PTPN3: variants seen among roughly 807,000 people sequenced by gnomAD.
The protein encoded by PTPN3 is protein tyrosine phosphatase non-receptor type 3.
In PTPN3, 96 loss-of-function variants were observed where a neutral mutation model predicts 132.7. The observed-to-expected ratio is 0.72, with a 90% CI of 0.61 to 0.86. The LOEUF (loss-of-function observed/expected upper bound fraction) is 0.86. Among genes scored for constraint, PTPN3 ranks in the 40% least tolerant of loss-of-function variants. The pLI is 0.00. For synonymous variants in PTPN3, 398 were observed against 429.0 expected (o/e 0.93, Z 0.89); for missense variants, 1,125 against 1,159.6 (o/e 0.97, Z 0.43).
chr9:109,398,265 A>G (rs1279710518), intron 19 of PTPN3, among the ~76,000 whole-genome samples: 1 of 152,248 alleles, frequency 6.6e-6, no homozygotes, highest in Non-Finnish European at 1.5e-5. Flanking sequence ...TGCCTGGGCC[A>G]CAGAATGAGA....
intron 19 of PTPN3, among the ~76,000 whole-genome samples, chr9:109,395,425 T>C (rs1472587324): frequency 1.3e-5 from 2 of 152,228 alleles, no homozygotes; most frequent in African/African-American, 4.8e-5. Flanking sequence ...CTGCAAAGGC[T>C]AACACTGAAT....
the PTPN3 span, chr9:109,533,831 C>G: frequency 1.2e-6 from 1 of 862,844 alleles, no homozygotes; most frequent in South Asian, 1.5e-5. Context: ...CTTTCCCCCA[C>G]TCTCGCTATT....
chr9:109,522,749 C>T, the PTPN3 span, among the ~76,000 whole-genome samples: 1,145 of 152,256 alleles, frequency 7.5e-3, 10 homozygotes, highest in African/African-American at 0.026. Context: ...TGAAAAGCCA[C>T]ATGCATGAGA....
At chr9:109,451,109 C>A in intron 5 of PTPN3, 2 of 971,668 alleles carry the variant, frequency 2.1e-6, no homozygotes, top group Non-Finnish European at 2.4e-6. Context: ...GATGATCTGG[C>A]AGCTAGTCGT....
At chr9:109,416,744 G>A (rs1162061272) in intron 14 of PTPN3, among the ~76,000 whole-genome samples, 1 of 152,046 alleles carries the variant, frequency 6.6e-6, no homozygotes, top group Non-Finnish European at 1.5e-5. Context: ...ACTATGGCTG[G>A]CCAGCACAGA....
intron 7 of PTPN3, among the ~76,000 whole-genome samples, chr9:109,444,751 C>G (rs1037977646): frequency 1.3e-5 from 2 of 152,120 alleles, no homozygotes; most frequent in African/African-American, 4.8e-5. Context: ...ATTAGCTATA[C>G]TGCAACTCTG....
intron 1 of PTPN3, among the ~76,000 whole-genome samples, chr9:109,471,013 A>G (rs1564471980): frequency 6.6e-6 from 1 of 152,146 alleles, no homozygotes; most frequent in Non-Finnish European, 1.5e-5. Context: ...ACTCCTGTGT[A>G]ACCCTTTTGC....
At chr9:109,519,587 A>G in the PTPN3 span, among the ~76,000 whole-genome samples, 1 of 152,276 alleles carries the variant, frequency 6.6e-6, no homozygotes, top group East Asian at 1.9e-4. Flanking sequence ...TAGCCTGTAA[A>G]TGACATGGTA....
At chr9:109,496,831 C>A (rs2132134044) in intron 1 of PTPN3, among the ~76,000 whole-genome samples, 1 of 152,296 alleles carries the variant, frequency 6.6e-6, no homozygotes, top group African/African-American at 2.4e-5. Flanking sequence ...CTTCTAAACC[C>A]TACAATGCCC....
intron 19 of PTPN3, 107 bp from the exon 20 acceptor site, chr9:109,391,668 A>G (rs980739629): frequency 6.1e-5 from 52 of 851,908 alleles, no homozygotes; most frequent in Non-Finnish European, 8.6e-5. Flanking sequence ...TTTTAAAGTG[A>G]TTATGTGTTA....
intron 12 of PTPN3, among the ~76,000 whole-genome samples, chr9:109,423,217 AT>A (rs1843001995): frequency 6.6e-6 from 1 of 152,160 alleles, no homozygotes; most frequent in African/African-American, 2.4e-5. Context: ...AATATTAACC[AT>A]TTTTTCAGGT....
intron 21 of PTPN3, 145 bp downstream of exon 21, chr9:109,390,993 C>T: frequency 1.4e-6 from 1 of 706,610 alleles, no homozygotes; most frequent in Non-Finnish European, 2.4e-6. Context: ...GACTATTCTG[C>T]CTGCCCTCCC....
chr9:109,421,340 G>A (rs1347589900), intron 13 of PTPN3, among the ~76,000 whole-genome samples: 1 of 152,188 alleles, frequency 6.6e-6, no homozygotes, highest in Non-Finnish European at 1.5e-5. Flanking sequence ...AGCTTTCTAA[G>A]TTCTATTTTC....
chr9:109,429,188 T>A, intron 10 of PTPN3: 1 of 365,462 alleles, frequency 2.7e-6, no homozygotes, highest in Non-Finnish European at 3.8e-6. Context: ...TTTATAAACA[T>A]CCCCTCAACG....
At chr9:109,402,203 G>A (rs571551821) in intron 19 of PTPN3, among the ~76,000 whole-genome samples, 2 of 152,288 alleles carry the variant, frequency 1.3e-5, no homozygotes, top group South Asian at 4.1e-4. Flanking sequence ...ATTTTGGAGT[G>A]TGTGAAAATA....
intron 17 of PTPN3, 152 bp from the exon 18 acceptor site, chr9:109,406,770 C>T (rs1841602919): frequency 1.2e-6 from 1 of 846,114 alleles, no homozygotes; most frequent in Non-Finnish European, 1.9e-6. Flanking sequence ...TATAATGCAT[C>T]CACTGCTATG....
chr9:109,458,612 A>G lies in PTPN3; in HGVS notation c.139-1213T>C, dbSNP rs1845680525. 1.3e-5 allele frequency among the ~76,000 whole-genome samples: 2 copies of G among 152,146 alleles called. 1 individual carries two copies. Among genetic ancestry groups the G allele is most frequent in the South Asian group, 4.2e-4 (2 of 4,818 alleles). Reference sequence around the variant, plus strand: ...AGAGACTTCTTTGGGGCAGCCTCAGATTATTCGGTCTGAAGTGTGGGAACA... The same window carrying G: ...AGAGACTTCTTTGGGGCAGCCTCAGGTTATTCGGTCTGAAGTGTGGGAACA... On this transcript the variant is annotated intron_variant, in intron 2 of 25. Coordinates refer to ENST00000374541, the MANE Select transcript of PTPN3 (RefSeq NM_002829.4).
intron 14 of PTPN3, among the ~76,000 whole-genome samples, chr9:109,412,029 C>G (rs1842111509): frequency 6.6e-6 from 1 of 152,210 alleles, no homozygotes; most frequent in African/African-American, 2.4e-5. Context: ...CAAAATTCCC[C>G]CCAAATACGG....
chr9:109,507,576 TC>T, the PTPN3 span, among the ~76,000 whole-genome samples: 1 of 152,222 alleles, frequency 6.6e-6, no homozygotes, highest in Non-Finnish European at 1.5e-5. Context: ...TCTCATTTTT[TC>T]CATGGTACAC....
Sources: gnomAD v4.1 joint callset for allele counts (sites outside exome capture counted in the v4.1 genomes callset) on GRCh38, gnomAD v4.1.1 for gene constraint, MANE v1.5 for transcripts, NCBI Gene and HGNC (gene_info 2026-07-23, HGNC 2026-07-21) for gene names.